LYST: variants seen among roughly 807,000 people sequenced by gnomAD.
LYST encodes the protein lysosomal-trafficking regulator.
Under a neutral mutation model 413.6 loss-of-function variants are expected in LYST, and 192 were observed. The ratio of observed to expected loss-of-function variants is 0.46; its 90% CI spans 0.41 to 0.52. LYST has a LOEUF of 0.52. Ranked by LOEUF, LYST falls within the 20% of genes least tolerant of loss-of-function variation. LYST has a pLI of 0.00. For missense variants in LYST, 3,815 were observed against 4,499.9 expected (o/e 0.85, Z 4.35); for synonymous variants, 1,525 against 1,567.3 (o/e 0.97, Z 0.64).
At chr1:235,847,075 T>G (rs1327789157) in intron 1 of LYST, among the ~76,000 whole-genome samples, 1 of 152,204 alleles carries the variant, frequency 6.6e-6, no homozygotes, top group Non-Finnish European at 1.5e-5. Context: ...CACATTGTCA[T>G]GAGGTTATCC....
chr1:235,734,826 CTGAG>C (rs1183136661), intron 31 of LYST, 167 bp from the exon 32 acceptor site: 6 of 541,668 alleles, frequency 1.1e-5, no homozygotes, highest in African/African-American at 3.8e-5. Flanking sequence ...TGATTATGCA[CTGAG>C]TATTTGATGA....
chr1:235,809,154 T>G lies in LYST; in HGVS notation c.1664A>C (p.His555Pro), dbSNP rs201106245. ...ERCCCIAVCA[H>P]QCLRLLQQAS... Reference sequence around the variant, plus strand: ...CTGCTGTAGTAAGCGCAAGCACTGATGGGCACACACTGCAATGCAACAGCA... The same window carrying G: ...CTGCTGTAGTAAGCGCAAGCACTGAGGGGCACACACTGCAATGCAACAGCA... The change falls in exon 5 of 53, where the codon CAT becomes CCT. Residue 555 changes from histidine (H) to proline (P), a missense_variant. Coordinates refer to ENST00000389793, the MANE Select transcript of LYST (RefSeq NM_000081.4). The surrounding 1 kb of genome is among the most constrained non-coding windows in gnomAD (Gnocchi z 4.0). The G allele has an allele frequency of 6.1e-5, 98 of 1,614,042 alleles. No individual in the cohort carries two copies. In the Admixed American group the frequency reaches 1.4e-3, roughly 24 times the overall value.
rs1160568707 is a variant in LYST, at chr1:235,744,220, G to C, written c.7973-63C>G. On this transcript the variant is annotated intron_variant, in intron 29 of 52. Transcript: ENST00000389793. ...CACTGCTATCTTGCCATTATAAATA[G>C]TAATAATACTGGTAAAAAATATTGT... The C allele has an allele frequency of 1.1e-5, 9 of 847,262 alleles. No individual in the cohort carries two copies. The East Asian group carries it at 2.2e-4, about 21-fold the overall frequency. The allele number at this position is 847,262 out of a possible 1,614,324, so 52.5% of individuals were successfully genotyped here. A position where few individuals can be genotyped will look rare whatever the true frequency, so the allele number is the denominator to read the frequency against.
chr1:235,754,497 G>T (rs10926582), intron 25 of LYST, among the ~76,000 whole-genome samples: 5,625 of 151,712 alleles, frequency 0.037, 346 homozygotes, highest in African/African-American at 0.13. Context: ...AGTGTTGGGA[G>T]TACAGGCTTG....
At chr1:235,826,484 T>C (rs191778064) in intron 3 of LYST, among the ~76,000 whole-genome samples, 54 of 152,236 alleles carry the variant, frequency 3.5e-4, no homozygotes, top group African/African-American at 1.2e-3. Flanking sequence ...ACAACATGGA[T>C]GAATTTCAGA....
chr1:235,810,647 G>GT (rs1184470912), intron 4 of LYST, 113 bp from the exon 5 acceptor site: 1 of 948,180 alleles, frequency 1.1e-6, no homozygotes, highest in African/African-American at 1.6e-5. Context: ...TATCCTCAAT[G>GT]TATTTTGCTG....
At chr1:235,789,303 C>G (rs1228694623) in intron 12 of LYST, among the ~76,000 whole-genome samples, 1 of 152,018 alleles carries the variant, frequency 6.6e-6, no homozygotes, top group Non-Finnish European at 1.5e-5. Context: ...TAAGGAAAAA[C>G]TCTAGTGTTT....
rs74563007 is a variant in LYST at position 235,729,578 on chromosome 1, C to A, written c.9106+18G>T. The A allele has an allele frequency of 3.8e-6, 6 of 1,573,794 alleles. No homozygotes were observed. The highest frequency in any genetic ancestry group is 5.2e-6 in the Non-Finnish European group (6 of 1,143,784). On this transcript the variant is annotated intron_variant, in intron 37 of 52. Transcript: ENST00000389793. ...AGGCAGGGTGAATATGTGCAAAATT[C>A]TTCAAAATTTGACTTACCTAGTAAC... is the stretch of plus-strand genomic sequence containing the variant.
chr1:235,687,031 C>T lies in LYST; in HGVS notation c.10718G>A (p.Trp3573Ter). 1.2e-6 allele frequency: 2 copies of T among 1,613,090 alleles called. No homozygotes were observed. Among genetic ancestry groups the T allele is most frequent in the Non-Finnish European group, 1.7e-6 (2 of 1,179,148 alleles). ...SQQYQVTSCA[W>*]VPDSCQLFTG... ...AAACAGCTGGCAACTGTCAGGCACC[C>T]AAGCACAACTAGTCACCTTTGAAAA... Residue 3573 changes from tryptophan to a stop codon, truncating the protein, a stop_gained, in exon 48 of 53, where the codon TGG becomes TAG. Coordinates refer to ENST00000389793, the MANE Select transcript of LYST (RefSeq NM_000081.4). LOFTEE classifies it high-confidence loss of function.
chr1:235,794,589 C>A (rs898501117), intron 10 of LYST, among the ~76,000 whole-genome samples: 10 of 152,134 alleles, frequency 6.6e-5, no homozygotes, highest in African/African-American at 2.2e-4. Context: ...AAGAAATAAT[C>A]TTGATTTAAA....
chr1:235,752,134 T>A lies in LYST; in HGVS notation c.7498A>T (p.Ile2500Leu). Residue 2500 changes from isoleucine to leucine, a missense_variant, in exon 27 of 53, where the codon ATA (isoleucine) becomes TTA (leucine). Ile to Leu is a conservative substitution (Grantham distance 5). Around this residue, in one of 4 missense-constraint regions of LYST, gnomAD observed 771 missense variants for 837.1 expected, o/e 0.92. Coordinates refer to ENST00000389793, the MANE Select transcript of LYST (RefSeq NM_000081.4). ...MSEYKLLACD[I>L]QQLFIAVTIH... ...GTAACTGCTATGAAAAGTTGCTGTA[T>A]ATCACAAGCAAGCAATTTATATTCA... The A allele has an allele frequency of 1.9e-6, 3 of 1,611,754 alleles. No individual in the cohort carries two copies. Among genetic ancestry groups the A allele is most frequent in the Non-Finnish European group, 2.5e-6 (3 of 1,178,334 alleles).
Position 235,809,401 on chromosome 1 carries a change from T to G in LYST, c.1417A>C (p.Ile473Leu), listed in dbSNP as rs774495060. Residue 473 changes from isoleucine to leucine, a missense_variant, in exon 5 of 53, where the codon ATA becomes CTA. Around this residue, in one of 4 missense-constraint regions of LYST, gnomAD observed 1,648 missense variants for 1,810.3 expected, o/e 0.91. Coordinates refer to ENST00000389793, the MANE Select transcript of LYST (RefSeq NM_000081.4). This position sits in a 1 kb window ranked among gnomAD's most constrained non-coding sequence, Gnocchi z 4.0. ...PEASEHLKALINSVMKIMSTV... is the reference protein window; with the variant it reads ...PEASEHLKALLNSVMKIMSTV... Reference sequence around the variant, plus strand: ...CTCATTATTTTCATCACACTATTTATTAGGGCTTTCAAATGCTCTGAGGCC... The same window carrying G: ...CTCATTATTTTCATCACACTATTTAGTAGGGCTTTCAAATGCTCTGAGGCC... 1 of 1,614,014 alleles carries G rather than the reference T, an allele frequency of 6.2e-7. No homozygotes were observed. The highest frequency in any genetic ancestry group is 8.5e-7 in the Non-Finnish European group (1 of 1,179,978).
Position 235,803,077 on chromosome 1 carries a change from G to GTT in LYST, c.3556-14_3556-13insAA. ...CAGATTGATGACTCTATAAATCAGT[G>GTT]TAATTCAAAGGTTGTAACATTTGCT... On this transcript the variant is annotated splice_polypyrimidine_tract_variant and intron_variant, in intron 7 of 52. Coordinates refer to ENST00000389793, the MANE Select transcript of LYST (RefSeq NM_000081.4). 2 of 1,606,636 alleles carry GTT rather than the reference G, an allele frequency of 1.2e-6. No homozygotes were observed. The highest frequency in any genetic ancestry group is 1.7e-5 in the Admixed American group (1 of 59,984).
At chr1:235,802,206 A>C (rs956421790) in intron 8 of LYST, among the ~76,000 whole-genome samples, 1 of 150,470 alleles carries the variant, frequency 6.6e-6, no homozygotes. Flanking sequence ...AAAAAAAAAA[A>C]AAAAAAAAAA....
chr1:235,816,981 G>T (rs1289209079), intron 3 of LYST, among the ~76,000 whole-genome samples: 1 of 152,108 alleles, frequency 6.6e-6, no homozygotes, highest in Admixed American at 6.5e-5. Context: ...TCTGACAAAG[G>T]TCTAATATAC....
At chr1:235,729,778 T>C (rs1048403380) in intron 36 of LYST, 121 bp from the exon 37 acceptor site, 5 of 719,538 alleles carry the variant, frequency 6.9e-6, no homozygotes, top group African/African-American at 1.8e-5. Context: ...TCCAATAGCA[T>C]GAGGTATCTT....
chr1:235,757,586 T>C, intron 23 of LYST, 128 bp from the exon 24 acceptor site: 1 of 732,088 alleles, frequency 1.4e-6, no homozygotes. Flanking sequence ...TTAAGAAATG[T>C]TTCCTAATTT....
intron 3 of LYST, chr1:235,828,126 C>T (rs1675544185): frequency 1.0e-6 from 1 of 960,284 alleles, no homozygotes; most frequent in Admixed American, 6.2e-5. Context: ...AAAATATTCC[C>T]AAAAGAAAAA....
At chr1:235,793,668 T>C (rs1422946170) in intron 10 of LYST, 56 bp from the exon 11 acceptor site, 6 of 905,524 alleles carry the variant, frequency 6.6e-6, no homozygotes. Context: ...GAGGAATAAA[T>C]GAGCAATTTC....
Sources: allele counts gnomAD v4.1 joint callset (sites outside exome capture counted in the v4.1 genomes callset), GRCh38; gene constraint gnomAD v4.1.1; regional missense constraint gnomAD v4.1.1; non-coding constraint Gnocchi (gnomAD v3.1); transcripts MANE v1.5; gene names NCBI Gene and HGNC (gene_info 2026-07-23, HGNC 2026-07-21).